The following GPHN variants were observed in gnomAD, a reference collection of about 807,000 sequenced individuals.
GPHN encodes gephyrin.
A neutral mutation model predicts 95.5 loss-of-function variants in GPHN; 17 were observed. The ratio of observed to expected loss-of-function variants is 0.18; its 90% confidence interval spans 0.12 to 0.27. The LOEUF is 0.27. GPHN is among the 10% of genes least tolerant of loss of function. The probability of loss-of-function intolerance (pLI) is 1.00; values close to 1 mark genes in which losing one functional copy is unlikely to be tolerated. For missense variants in GPHN, 660 were observed against 978.1 expected, an observed-to-expected ratio of 0.67 and a Z score of 4.34; for synonymous variants, 320 against 322.5, an observed-to-expected ratio of 0.99 and a Z score of 0.08.
the GPHN span, among the ~76,000 whole-genome samples, chr14:67,680,235 A>C: frequency 6.6e-6 from 1 of 152,240 alleles, no homozygotes; most frequent in Non-Finnish European, 1.5e-5. Flanking sequence ...TCTGTTTAAG[A>C]AGACTCACCA....
In GPHN at chr14:66,767,967, C is replaced by T. The variant is rs114011073; in HGVS notation, c.144-8497C>T. On this transcript the variant is annotated intron_variant, in intron 2 of 22. Transcript: ENST00000478722. ...TGAATAGTGTTTTACGAATTGCCAA[C>T]AAAAGTTCAAAACAATATAAATAAT... 9.8e-3 allele frequency among the ~76,000 whole-genome samples: 1,486 copies of T among 151,672 alleles called. 16 individuals carry two copies. The highest frequency in any genetic ancestry group is 0.03 in the African/African-American group (1,225 of 41,396).
the GPHN span, among the ~76,000 whole-genome samples, chr14:67,474,560 TTG>T: frequency 6.6e-6 from 1 of 152,098 alleles, no homozygotes; most frequent in African/African-American, 2.4e-5. Flanking sequence ...ACATTTGTCC[TTG>T]TGTGTGTGCA....
the GPHN span, among the ~76,000 whole-genome samples, chr14:67,495,412 A>C: frequency 6.6e-6 from 1 of 151,972 alleles, no homozygotes; most frequent in Admixed American, 6.6e-5. Context: ...TTTCCTGGAG[A>C]TATTTTGACA....
chr14:67,398,667 C>T, the GPHN span, among the ~76,000 whole-genome samples: 3 of 152,086 alleles, frequency 2.0e-5, no homozygotes, highest in African/African-American at 7.2e-5. Flanking sequence ...CTGAGAACCA[C>T]CTAAACTACT....
At chr14:67,050,508 A>G (rs1309396040) in intron 10 of GPHN, among the ~76,000 whole-genome samples, 1 of 152,236 alleles carries the variant, frequency 6.6e-6, no homozygotes, top group Non-Finnish European at 1.5e-5. Context: ...TTTACCATCT[A>G]CTAGCAGAGG....
chr14:66,905,261 G>A (rs1320301206), intron 5 of GPHN, among the ~76,000 whole-genome samples: 1 of 151,922 alleles, frequency 6.6e-6, no homozygotes, highest in East Asian at 1.9e-4. Context: ...CAGTTCCAAG[G>A]TTAATGTTTG....
At chr14:67,086,982 G>A (rs555453807) in intron 11 of GPHN, among the ~76,000 whole-genome samples, 12 of 145,788 alleles carry the variant, frequency 8.2e-5, no homozygotes, top group Non-Finnish European at 1.8e-4. Flanking sequence ...AGCTTGCAGT[G>A]AGCCGAGATC....
the GPHN span, among the ~76,000 whole-genome samples, chr14:67,521,484 G>C: frequency 6.6e-6 from 1 of 152,120 alleles, no homozygotes; most frequent in Non-Finnish European, 1.5e-5. Flanking sequence ...GGGGTAGGTA[G>C]GTACTTTCAT....
the GPHN span, chr14:67,227,628 T>C: frequency 6.6e-6 from 1 of 152,064 alleles, no homozygotes; most frequent in Non-Finnish European, 1.5e-5. Context: ...TGAAAGTTAT[T>C]TGGACTCTTA....
chr14:67,328,961 GCT>G, the GPHN span, among the ~76,000 whole-genome samples: 1 of 152,200 alleles, frequency 6.6e-6, no homozygotes, highest in Non-Finnish European at 1.5e-5. Context: ...GGCAATGCAG[GCT>G]CTTTTTTGGT....
chr14:67,367,403 G>T, the GPHN span, among the ~76,000 whole-genome samples: 1 of 152,056 alleles, frequency 6.6e-6, no homozygotes, highest in Non-Finnish European at 1.5e-5. Context: ...GCTAATTTTT[G>T]TATTTTTGGT....
intron 8 of GPHN, among the ~76,000 whole-genome samples, chr14:66,936,558 A>T (rs964542548): frequency 4.6e-5 from 7 of 152,250 alleles, no homozygotes; most frequent in African/African-American, 1.7e-4. Flanking sequence ...TAAGAAGAAT[A>T]TATAGATAAA....
intron 4 of GPHN, among the ~76,000 whole-genome samples, chr14:66,862,694 C>T (rs1265130994): frequency 6.6e-6 from 1 of 152,026 alleles, no homozygotes; most frequent in Non-Finnish European, 1.5e-5. Context: ...CTACATCATA[C>T]ATCCTATCAA....
At chr14:66,582,749 G>A (rs927483999) in intron 1 of GPHN, among the ~76,000 whole-genome samples, 5 of 152,130 alleles carry the variant, frequency 3.3e-5, no homozygotes, top group Admixed American at 2.0e-4. Context: ...ATTCCATGGT[G>A]TATATGTGCC....
chr14:66,722,224 A>G (rs1220052040), intron 2 of GPHN, among the ~76,000 whole-genome samples: 2 of 152,160 alleles, frequency 1.3e-5, no homozygotes, highest in Non-Finnish European at 2.9e-5. Context: ...GATAAAGGTA[A>G]CATGAAATTG....
At chr14:66,634,116 C>A (rs1218537546) in intron 1 of GPHN, among the ~76,000 whole-genome samples, 1 of 151,756 alleles carries the variant, frequency 6.6e-6, no homozygotes, top group East Asian at 1.9e-4. Context: ...ATTTTCTTTT[C>A]TTTGGGGTCT....
chr14:66,646,703 A>AATG (rs200067049), intron 1 of GPHN, among the ~76,000 whole-genome samples: 2,028 of 152,256 alleles, frequency 0.013, 25 homozygotes, highest in Middle Eastern at 0.02. Flanking sequence ...CAGAATGTAG[A>AATG]ATGGTGGTTA....
chr14:66,618,276 A>G (rs2063135304), intron 1 of GPHN, among the ~76,000 whole-genome samples: 1 of 152,114 alleles, frequency 6.6e-6, no homozygotes, highest in African/African-American at 2.4e-5. Context: ...TAAAAGTTCC[A>G]CATGTTGTCC....
the GPHN span, among the ~76,000 whole-genome samples, chr14:67,455,064 G>T: frequency 6.6e-6 from 1 of 152,156 alleles, no homozygotes; most frequent in East Asian, 1.9e-4. Context: ...TGACCAGGCA[G>T]GTCTTGAACT....
Sources: allele counts gnomAD v4.1 joint callset (sites outside exome capture counted in the v4.1 genomes callset), GRCh38; gene constraint gnomAD v4.1.1; transcripts MANE v1.5; gene names NCBI Gene and HGNC (gene_info 2026-07-23, HGNC 2026-07-21).